The following TRIM40 variants were observed in gnomAD, a reference collection of about 807,000 sequenced individuals.
The protein encoded by TRIM40 is E3 ubiquitin ligase TRIM40.
A neutral mutation model predicts 26.1 loss-of-function variants in TRIM40; 27 were observed. The observed-to-expected ratio is 1.04, with a 90% CI of 0.76 to 1.43. TRIM40 has a LOEUF of 1.43. TRIM40 is among the 40% of genes most tolerant of loss of function. The probability of loss-of-function intolerance (pLI) is 0.00; values close to 1 mark genes in which losing one functional copy is unlikely to be tolerated. For synonymous variants in TRIM40, 114 were observed against 120.0 expected, an observed-to-expected ratio of 0.95 and a Z score of 0.33; for missense variants, 289 against 307.9, an observed-to-expected ratio of 0.94 and a Z score of 0.46.
chr6:30,137,428 G>A lies in TRIM40; in HGVS notation c.345+47G>A, dbSNP rs548420786. On this transcript the variant is annotated intron_variant, in intron 2 of 5. Coordinates refer to ENST00000396581, the MANE Select transcript of TRIM40 (RefSeq NM_001286633.2). ...CAGGCCCTGCCTCCACCTCGCTGAG[G>A]TGCTGCATCCTACATGTTCATCATG... The A allele has an allele frequency of 1.0e-4, 157 of 1,536,066 alleles. 1 individual carries two copies. The South Asian group carries it at 1.5e-3, about 15-fold the overall frequency.
Position 30,137,168 on chromosome 6 carries a change from G to A in TRIM40, c.132G>A (p.Lys44=), listed in dbSNP as rs1771057355. The A allele has an allele frequency of 3.7e-6, 6 of 1,613,038 alleles. No homozygotes were observed. The highest frequency in any genetic ancestry group is 5.1e-6 in the Non-Finnish European group (6 of 1,180,036). ...TGTGCCTGACACAGCATGTGGAGAA[G>A]GCCTCAGCCTCTGGGGTCTTCTGCT... ...CRVCLTQHVE[K]ASASGVFCCP... is the part of the protein sequence containing the mutation. Residue 44 remains lysine (K), a synonymous_variant, in exon 2 of 6, where the codon AAG becomes AAA. Transcript: ENST00000396581.
rs1049867270 is a variant in TRIM40 at position 30,137,080 on chromosome 6, C to T, written c.44C>T (p.Pro15Leu). Residue 15 changes from proline to leucine, a missense_variant, in exon 2 of 6, where the codon CCC (proline) becomes CTC (leucine). Physicochemically the swap from Pro to Leu is moderately conservative, Grantham distance 98. Coordinates refer to ENST00000396581, the MANE Select transcript of TRIM40 (RefSeq NM_001286633.2). ...GACAACCAGGAGGAGGGTGTCTGCC[C>T]CATCTGCCAGGAGAGCCTGAAGGAG... ...QKDNQEEGVCPICQESLKEAV... is the reference protein window; with the variant it reads ...QKDNQEEGVCLICQESLKEAV... The T allele has an allele frequency of 6.2e-7, 1 of 1,613,076 alleles. No homozygotes were observed. The highest frequency in any genetic ancestry group is 2.2e-5 in the East Asian group (1 of 44,892).
chr6:30,137,139 C>G lies in TRIM40; in HGVS notation c.103C>G (p.Arg35Gly), dbSNP rs761248237. ...VSTNCGHLFC[R>G]VCLTQHVEKA... ...CACCAACTGCGGACATCTCTTCTGT[C>G]GAGTGTGCCTGACACAGCATGTGGA... Residue 35 changes from arginine to glycine, a missense_variant, in exon 2 of 6, where the codon CGA becomes GGA. Physicochemically the swap from Arg to Gly is moderately radical, Grantham distance 125. Transcript: ENST00000396581. 6.2e-7 allele frequency: 1 copy of G among 1,613,078 alleles called. No individual in the cohort carries two copies. Among genetic ancestry groups the G allele is most frequent in the South Asian group, 1.1e-5 (1 of 91,084 alleles).
chr6:30,136,855 C>A lies in TRIM40; in HGVS notation c.-182C>A. 1.6e-6 allele frequency: 1 copy of A among 612,206 alleles called. No homozygotes were observed. The highest frequency in any genetic ancestry group is 2.0e-5 in the South Asian group (1 of 49,314). The allele number at this position is 612,206 out of a possible 1,614,324, so 37.9% of individuals were successfully genotyped here. ...GTTTGTGTGGTCTATGTCACGGCAC[C>A]CTTGAGGGAGAGTGGGCAATTGCCT... On this transcript the variant is annotated 5_prime_UTR_variant, in exon 2 of 6. Coordinates refer to ENST00000396581, the MANE Select transcript of TRIM40 (RefSeq NM_001286633.2).
chr6:30,147,516 C>T lies in TRIM40; in HGVS notation c.667-4C>T, dbSNP rs1363128570. On this transcript the variant is annotated splice_region_variant and splice_polypyrimidine_tract_variant and intron_variant, in intron 4 of 5. Transcript: ENST00000396581. ...TTATGATTCTCACTTTTTCTCTCTCCTAGAATGCTGGTGACTTACTGAACA... is the reference window on the plus strand; with the variant it reads ...TTATGATTCTCACTTTTTCTCTCTCTTAGAATGCTGGTGACTTACTGAACA... 4 of 1,613,898 alleles carry T rather than the reference C, an allele frequency of 2.5e-6. No individual in the cohort carries two copies. The African/African-American group carries it at 4.0e-5, about 16-fold the overall frequency.
chr6:30,148,631 G>A lies in TRIM40; in HGVS notation c.*819G>A, dbSNP rs1771816370. ...AAGAACCTAGTCCAGCCAACACCTT[G>A]ATTATAGTCTTGTGAGTACCTAAGC... On this transcript the variant is annotated 3_prime_UTR_variant, in exon 6 of 6. Transcript: ENST00000396581. The A allele has an allele frequency of 6.6e-6, 1 of 152,198 alleles. No individual in the cohort carries two copies. The highest frequency in any genetic ancestry group is 6.5e-5 in the Admixed American group (1 of 15,276). 9.4% of individuals were successfully genotyped at this position (152,198 alleles called of 1,614,324 possible).
chr6:30,146,419 A>T (rs55994375), intron 3 of TRIM40, among the ~76,000 whole-genome samples: 9 of 148,160 alleles, frequency 6.1e-5, no homozygotes, highest in East Asian at 3.9e-4. Flanking sequence ...ATTTTATTTT[A>T]TTTTTTTTTT....
chr6:30,147,878 C>G lies in TRIM40; in HGVS notation c.*66C>G. 1 of 1,408,232 alleles carries G rather than the reference C, an allele frequency of 7.1e-7. No homozygotes were observed. Among genetic ancestry groups the G allele is most frequent in the East Asian group, 2.3e-5 (1 of 43,916 alleles). 87.2% of individuals were successfully genotyped at this position (1,408,232 alleles called of 1,614,324 possible). A position where few individuals can be genotyped will look rare whatever the true frequency, so the allele number is the denominator to read the frequency against. ...GCCTCCTCTCTCTCCTTCCTCCAAC[C>G]TGTCCAGGCCCCCACTGGGTCTACC... On this transcript the variant is annotated 3_prime_UTR_variant, in exon 6 of 6. Transcript: ENST00000396581.
intron 2 of TRIM40, among the ~76,000 whole-genome samples, chr6:30,138,497 T>C (rs957923770): frequency 6.6e-6 from 1 of 152,234 alleles, no homozygotes; most frequent in African/African-American, 2.4e-5. Context: ...GCATATTTTC[T>C]TGCATACTGC....
At position 30,147,815 on chromosome 6, in the gene TRIM40, T is replaced by A; in HGVS notation, c.*3T>A. On this transcript the variant is annotated 3_prime_UTR_variant, in exon 6 of 6. Coordinates refer to ENST00000396581, the MANE Select transcript of TRIM40 (RefSeq NM_001286633.2). ...TTCAGCCCCCTCAGAAGCTCTGACCTGTTCATCCCTGGGACACCTCACTTC... is the reference window on the plus strand; with the variant it reads ...TTCAGCCCCCTCAGAAGCTCTGACCAGTTCATCCCTGGGACACCTCACTTC... 6 of 1,613,748 alleles carry A rather than the reference T, an allele frequency of 3.7e-6. No homozygotes were observed. The highest frequency in any genetic ancestry group is 5.1e-6 in the Non-Finnish European group (6 of 1,179,608).
chr6:30,139,713 C>A (rs1190052036), intron 2 of TRIM40, among the ~76,000 whole-genome samples: 1 of 152,098 alleles, frequency 6.6e-6, no homozygotes, highest in Non-Finnish European at 1.5e-5. Flanking sequence ...GAGGAAGTGA[C>A]CTTGAAGCTG....
intron 4 of TRIM40, 82 bp downstream of exon 4, chr6:30,147,291 G>A: frequency 6.6e-7 from 1 of 1,521,784 alleles, no homozygotes. Flanking sequence ...TCTGGGAGGT[G>A]TAAGAGGGAG....
In TRIM40 at chr6:30,147,149, C is replaced by T. The variant is rs147188439; in HGVS notation, c.606C>T (p.Leu202=). 78 of 1,614,226 alleles carry T rather than the reference C, an allele frequency of 4.8e-5. No individual in the cohort carries two copies. In the East Asian group the frequency reaches 8.7e-4, roughly 18 times the overall value. ...ACATCTCCAGGGCAGTAACACAGCTCAGAAGCCTGGTCATTGATCTGGAAA... is the reference window on the plus strand; with the variant it reads ...ACATCTCCAGGGCAGTAACACAGCTTAGAAGCCTGGTCATTGATCTGGAAA... ...ILDISRAVTQ[L]RSLVIDLERT... The change falls in exon 4 of 6, where the codon CTC becomes CTT. Residue 202 remains leucine, a synonymous_variant. Transcript: ENST00000396581.
intron 4 of TRIM40, 149 bp from the exon 5 acceptor site, chr6:30,147,371 A>C: frequency 1.5e-6 from 2 of 1,369,438 alleles, no homozygotes; most frequent in Non-Finnish European, 2.1e-6. Context: ...CTGCTGCAGC[A>C]GAATGGGCAC....
At chr6:30,144,715 G>A (rs1315914560) in intron 2 of TRIM40, among the ~76,000 whole-genome samples, 1 of 152,140 alleles carries the variant, frequency 6.6e-6, no homozygotes, top group Non-Finnish European at 1.5e-5. Flanking sequence ...GAGAAACAAG[G>A]CGGCTGGCTG....
intron 2 of TRIM40, among the ~76,000 whole-genome samples, chr6:30,144,677 T>C (rs945204499): frequency 1.3e-5 from 2 of 151,918 alleles, no homozygotes; most frequent in African/African-American, 4.8e-5. Flanking sequence ...TCAGGTGACT[T>C]TGGAGAGAGA....
chr6:30,146,070 A>G lies in TRIM40; in HGVS notation c.422A>G (p.Lys141Arg). 6.2e-7 allele frequency: 1 copy of G among 1,613,034 alleles called. No individual in the cohort carries two copies. Among genetic ancestry groups the G allele is most frequent in the Non-Finnish European group, 8.5e-7 (1 of 1,180,018 alleles). The change falls in exon 3 of 6, where the codon AAG becomes AGG. Residue 141 changes from lysine to arginine, a missense_variant. Physicochemically the swap from Lys to Arg is conservative, Grantham distance 26. Transcript: ENST00000396581. ...CAGCGGCTCAAGGCTCAGCAGGAGA[A>G]GAAACTGCAGGCTCTGCAGGTGGGT... ...ELQRLKAQQE[K>R]KLQALQFQVD...
chr6:30,137,954 CAAGACTAAAAAT>C (rs1418255096), intron 2 of TRIM40, among the ~76,000 whole-genome samples: 1 of 152,074 alleles, frequency 6.6e-6, no homozygotes, highest in African/African-American at 2.4e-5. Context: ...GGTATAAAGT[CAAGACTAAAAAT>C]TTGTCTTCCT....
rs4959012 is a variant in TRIM40, at chr6:30,147,068, T to C, written c.525T>C (p.Pro175=). The C allele has an allele frequency of 0.21, 339,170 of 1,613,724 alleles. 38,910 individuals are homozygous for C. Among genetic ancestry groups the C allele is most frequent in the Non-Finnish European group, 0.23 (272,028 of 1,179,874 alleles). ...HQTREQLGAL[P]QQWLGQLEHM... is the part of the protein sequence containing the mutation. ...CCAGGGAACAGCTGGGTGCCCTCCC[T>C]CAGCAGTGGCTGGGCCAGCTGGAGC... Residue 175 remains proline (P), a synonymous_variant, in exon 4 of 6, where the codon CCT becomes CCC. Coordinates refer to ENST00000396581, the MANE Select transcript of TRIM40 (RefSeq NM_001286633.2).
Sources: gnomAD v4.1 joint callset for allele counts (sites outside exome capture counted in the v4.1 genomes callset) on GRCh38, gnomAD v4.1.1 for gene constraint, MANE v1.5 for transcripts, NCBI Gene and HGNC (gene_info 2026-07-23, HGNC 2026-07-21) for gene names.